ESCO1: variants seen among roughly 807,000 people sequenced by gnomAD.
ESCO1 encodes N-acetyltransferase ESCO1.
A neutral mutation model predicts 83.5 loss-of-function variants in ESCO1; 33 were observed. That is an observed-to-expected ratio of 0.40 (90% confidence interval 0.30 to 0.53). ESCO1 has a LOEUF of 0.53. Among genes scored for constraint, ESCO1 ranks in the 20% least tolerant of loss-of-function variants. The pLI, the probability that ESCO1 is intolerant of heterozygous loss-of-function variation, is 0.63. For synonymous variants in ESCO1, 332 were observed against 324.3 expected (o/e 1.02, Z -0.25); for missense variants, 855 against 968.0 (o/e 0.88, Z 1.55).
At chr18:21,593,694 C>T (rs929753623) in intron 1 of ESCO1, among the ~76,000 whole-genome samples, 5 of 151,098 alleles carry the variant, frequency 3.3e-5, no homozygotes, top group Non-Finnish European at 7.4e-5. Flanking sequence ...AACTATACAA[C>T]CTTTTAACCA....
intron 9 of ESCO1, among the ~76,000 whole-genome samples, chr18:21,537,906 T>C (rs372721036): frequency 6.6e-6 from 1 of 152,090 alleles, no homozygotes; most frequent in African/African-American, 2.4e-5. Flanking sequence ...GGTCCACTTA[T>C]ATGTAGGGCT....
intron 8 of ESCO1, 33 bp from the exon 9 acceptor site, chr18:21,540,042 G>A: frequency 6.8e-7 from 1 of 1,475,314 alleles, no homozygotes; most frequent in Non-Finnish European, 9.2e-7. Flanking sequence ...ACACACATAT[G>A]TAAAGTATGA....
intron 8 of ESCO1, among the ~76,000 whole-genome samples, chr18:21,553,472 AAAAATT>A (rs2038071437): frequency 1.6e-5 from 1 of 64,370 alleles, no homozygotes; most frequent in African/African-American, 6.2e-5. Context: ...AAAAAAAAAA[AAAAATT>A]TTTTTTGAAA....
rs149718555 is a variant in ESCO1 at position 21,564,250 on chromosome 18, A to G, written c.1774T>C (p.Leu592=). 1 of 1,611,812 alleles carries G rather than the reference A, an allele frequency of 6.2e-7. No individual in the cohort carries two copies. The highest frequency in any genetic ancestry group is 8.5e-7 in the Non-Finnish European group (1 of 1,178,994). ...GTTTTCTCTGCTTCTTTTAGTTTCA[A>G]GTCCTTTGGAATTGTTATCTCCAAA... ...SHLEITIPKD[L]KLKEAEKTDE... Residue 592 remains leucine (L), a synonymous_variant, in exon 7 of 12, where the codon TTG becomes CTG. Coordinates refer to ENST00000269214, the MANE Select transcript of ESCO1 (RefSeq NM_052911.3).
At position 21,574,197 on chromosome 18, in the gene ESCO1, C is replaced by A. The variant is rs145265917; in HGVS notation, c.647G>T (p.Cys216Phe). ...RKVEHQTACA[C>F]SSQCTQGSEK... ...AGATCCTTGCGTGCATTGAGAACTA[C>A]AAGCACAAGCTGTCTGATGTTCTAC... Residue 216 changes from cysteine to phenylalanine, a missense_variant, in exon 4 of 12, where the codon TGT becomes TTT. Cys to Phe is a radical substitution (Grantham distance 205, BLOSUM62 -2). This residue lies in a region of ESCO1 where 726 missense variants were observed against 699.5 expected (regional missense o/e 1.04). Transcript: ENST00000269214. 1.1e-3 allele frequency: 1,783 copies of A among 1,613,860 alleles called. 40 individuals are homozygous for A. In the South Asian group the frequency reaches 0.019, roughly 17 times the overall value.
intron 9 of ESCO1, among the ~76,000 whole-genome samples, chr18:21,538,793 A>G (rs1237514396): frequency 6.6e-6 from 1 of 152,170 alleles, no homozygotes; most frequent in Non-Finnish European, 1.5e-5. Flanking sequence ...AGTGTTTCAG[A>G]TAAACTTAAC....
chr18:21,581,545 A>G (rs1379281215), intron 2 of ESCO1, among the ~76,000 whole-genome samples: 3 of 151,994 alleles, frequency 2.0e-5, no homozygotes, highest in African/African-American at 7.3e-5. Flanking sequence ...CGGGAGGCAG[A>G]GGTTGCAATG....
At chr18:21,569,170 TTCAA>T (rs1321765100) in intron 4 of ESCO1, among the ~76,000 whole-genome samples, 2 of 152,236 alleles carry the variant, frequency 1.3e-5, no homozygotes, top group African/African-American at 2.4e-5. Flanking sequence ...ACTTTTTATT[TTCAA>T]TCAGTTATTT....
intron 8 of ESCO1, among the ~76,000 whole-genome samples, chr18:21,558,256 G>A (rs1018932021): frequency 6.6e-6 from 1 of 151,920 alleles, no homozygotes; most frequent in Non-Finnish European, 1.5e-5. Context: ...CCAAGCAGAT[G>A]GGGTAAAATG....
At position 21,558,455 on chromosome 18, in the gene ESCO1, G is replaced by A. The variant is rs934292967; in HGVS notation, c.1953+2404C>T. Among the ~76,000 whole-genome samples, 56 of 152,070 alleles carry A rather than the reference G, an allele frequency of 3.7e-4. 1 individual carries two copies. Among genetic ancestry groups the A allele is most frequent in the African/African-American group, 1.4e-4 (6 of 41,420 alleles). On this transcript the variant is annotated intron_variant, in intron 8 of 11. Coordinates refer to ENST00000269214, the MANE Select transcript of ESCO1 (RefSeq NM_052911.3). ...TGTTTGATTAAAATTTTGGCCAAGC[G>A]TAGTAGTTCATGCCTGTAATCCCAA...
At chr18:21,539,826 C>A (rs1008234882) in intron 9 of ESCO1, 94 bp downstream of exon 9, 6 of 1,016,772 alleles carry the variant, frequency 5.9e-6, no homozygotes, top group South Asian at 2.9e-5. Context: ...CCAGCCTGAG[C>A]GACAGAGCAA....
chr18:21,595,627 C>G (rs924250434), intron 1 of ESCO1, among the ~76,000 whole-genome samples: 1 of 150,366 alleles, frequency 6.7e-6, no homozygotes, highest in East Asian at 1.9e-4. Context: ...AAGATTGCGC[C>G]GCTGCACTCT....
intron 6 of ESCO1, among the ~76,000 whole-genome samples, chr18:21,564,637 C>A (rs1456041006): frequency 6.6e-6 from 1 of 151,520 alleles, no homozygotes; most frequent in South Asian, 2.1e-4. Flanking sequence ...ACCTCGTGAT[C>A]CGCCTGCCTC....
intron 1 of ESCO1, among the ~76,000 whole-genome samples, chr18:21,586,493 T>A (rs905354711): frequency 1.3e-5 from 2 of 152,244 alleles, no homozygotes; most frequent in Non-Finnish European, 2.9e-5. Flanking sequence ...AATGCAGGTA[T>A]CTCTTCCATA....
intron 1 of ESCO1, among the ~76,000 whole-genome samples, chr18:21,587,407 G>A (rs1352285978): frequency 6.6e-6 from 1 of 151,914 alleles, no homozygotes; most frequent in South Asian, 2.1e-4. Flanking sequence ...CATTTTTGGA[G>A]GTATTTTTAT....
chr18:21,542,672 C>G (rs1009587444), intron 8 of ESCO1, among the ~76,000 whole-genome samples: 1 of 152,146 alleles, frequency 6.6e-6, no homozygotes, highest in African/African-American at 2.4e-5. Flanking sequence ...TAAATGTTCC[C>G]AAGGGTAAAT....
chr18:21,569,795 G>C (rs2038315322), intron 4 of ESCO1, among the ~76,000 whole-genome samples: 1 of 152,098 alleles, frequency 6.6e-6, no homozygotes, highest in Non-Finnish European at 1.5e-5. Flanking sequence ...AGGTTGCAGT[G>C]AGCCAAGATC....
chr18:21,589,822 G>C (rs543613785), intron 1 of ESCO1, among the ~76,000 whole-genome samples: 1 of 147,326 alleles, frequency 6.8e-6, no homozygotes, highest in Non-Finnish European at 1.5e-5. Flanking sequence ...CCAGTCAAAT[G>C]CAAGTCCGTC....
chr18:21,579,923 T>G, intron 2 of ESCO1, among the ~76,000 whole-genome samples: 2 of 144,562 alleles, frequency 1.4e-5, no homozygotes, highest in African/African-American at 2.6e-5. Flanking sequence ...TGAGATGGAG[T>G]CTCCCTCTAT....
Sources: gnomAD v4.1 joint callset for allele counts (sites outside exome capture counted in the v4.1 genomes callset) on GRCh38, gnomAD v4.1.1 for gene constraint, gnomAD v4.1.1 regional missense constraint, MANE v1.5 for transcripts, NCBI Gene and HGNC (gene_info 2026-07-23, HGNC 2026-07-21) for gene names.